The following ZNF787 variants were observed in gnomAD, a reference collection of about 807,000 sequenced individuals.
ZNF787 encodes TTF-I-interacting peptide 20.
ZNF787 carries 7 observed loss-of-function variants against 16.9 expected under a neutral mutation model. The observed-to-expected ratio is 0.42, with a 90% CI of 0.24 to 0.78. The LOEUF (loss-of-function observed/expected upper bound fraction) is 0.78, where lower values mean the gene tolerates loss of function less well. ZNF787 is among the 30% of genes least tolerant of loss of function. The pLI is 0.30. For missense variants in ZNF787, 551 were observed against 589.3 expected (o/e 0.94, Z 0.67); for synonymous variants, 345 against 270.9 (o/e 1.27, Z -2.69).
intron 1 of ZNF787, among the ~76,000 whole-genome samples, chr19:56,114,471 T>C (rs1391877220): frequency 7.0e-6 from 1 of 142,778 alleles, no homozygotes; most frequent in Admixed American, 6.9e-5. Context: ...CGGCCAGGCC[T>C]GGTCTTTCTC....
chr19:56,089,138 G>A, intron 2 of ZNF787, 46 bp from the exon 3 acceptor site: 3 of 1,375,018 alleles, frequency 2.2e-6, no homozygotes, highest in East Asian at 2.7e-5. Flanking sequence ...AGAGGCAAGG[G>A]CTCCACGCCT....
rs1318058775 is a variant in ZNF787 at position 56,087,885 on chromosome 19, C to T, written c.*138G>A. 13 of 1,260,220 alleles carry T rather than the reference C, an allele frequency of 1.0e-5. No individual in the cohort carries two copies. Among genetic ancestry groups the T allele is most frequent in the South Asian group, 2.3e-5 (1 of 43,242 alleles). The allele number at this position is 1,260,220 out of a possible 1,614,324, so 78.1% of individuals were successfully genotyped here. A position where few individuals can be genotyped will look rare whatever the true frequency, so the allele number is the denominator to read the frequency against. ...TGCCCCCCCACGGACGGCGCAGGGA[C>T]AGAGGAGGGCGGGGAGCCGGGGATG... On this transcript the variant is annotated 3_prime_UTR_variant, in exon 3 of 3. Transcript: ENST00000610935.
rs524988 is a variant in ZNF787 at position 56,121,163 on chromosome 19, A to G, written c.-11+9T>C. 126,023 of 130,850 alleles carry G rather than the reference A, an allele frequency of 0.96. 60,642 individuals carry two copies. The highest frequency in any genetic ancestry group is 0.99 in the African/African-American group (34,180 of 34,472). The allele number at this position is 130,850 out of a possible 1,614,324, so 8.1% of individuals were successfully genotyped here. ...CCCCCAGCGCACGGCCCCCGCCCCC[A>G]CCCCTCACCTCCTTGGTCCCGGGGC... On this transcript the variant is annotated intron_variant, in intron 1 of 2. Coordinates refer to ENST00000610935, the MANE Select transcript of ZNF787 (RefSeq NM_001002836.4).
At chr19:56,096,473 G>A (rs1359629535) in intron 2 of ZNF787, among the ~76,000 whole-genome samples, 2 of 152,042 alleles carry the variant, frequency 1.3e-5, no homozygotes, top group Non-Finnish European at 2.9e-5. Context: ...ACAACACTTT[G>A]GGAGGCCGAG....
intron 1 of ZNF787, among the ~76,000 whole-genome samples, chr19:56,120,770 C>A (rs1312544960): frequency 1.3e-5 from 2 of 151,352 alleles, no homozygotes; most frequent in Non-Finnish European, 3.0e-5. Flanking sequence ...CGGCCACGAC[C>A]GGCGGAGTTG....
rs1490943986 is a variant in ZNF787 at position 56,088,145 on chromosome 19, C to G, written c.1027G>C (p.Ala343Pro). 1.3e-6 allele frequency: 2 copies of G among 1,553,994 alleles called. No homozygotes were observed. The highest frequency in any genetic ancestry group is 1.7e-6 in the Non-Finnish European group (2 of 1,155,468). ...RRHKKIHAVG[A>P]PSVCSSCGQS... ...CCGCAGCTGCTGCAGACCGAGGGCG[C>G]GCCCACCGCGTGGATCTTCTTGTGT... is the stretch of plus-strand genomic sequence containing the variant. The change falls in exon 3 of 3, where the codon GCG becomes CCG. Residue 343 changes from alanine to proline, a missense_variant. Ala to Pro is a conservative substitution (Grantham distance 27). This residue lies in a region of ZNF787 where 392 missense variants were observed against 312.7 expected (regional missense o/e 1.25). Coordinates refer to ENST00000610935, the MANE Select transcript of ZNF787 (RefSeq NM_001002836.4). The surrounding 1 kb of genome is among the most constrained non-coding windows in gnomAD (Gnocchi z 8.6).
chr19:56,093,850 T>G (rs969796599), intron 2 of ZNF787, among the ~76,000 whole-genome samples: 1 of 152,188 alleles, frequency 6.6e-6, no homozygotes, highest in Non-Finnish European at 1.5e-5. Flanking sequence ...CAACCATCTG[T>G]GATTTGCTCT....
In ZNF787 at chr19:56,100,117, T is replaced by C. The variant is rs372745391; in HGVS notation, c.79+3022A>G. On this transcript the variant is annotated intron_variant, in intron 2 of 2. Coordinates refer to ENST00000610935, the MANE Select transcript of ZNF787 (RefSeq NM_001002836.4). ...GCCGGGACACACGGAAGTCAGGAGC[T>C]GAGGAAGGGTCCGGGGTGAGGGCCC... Among the ~76,000 whole-genome samples, 40 of 152,252 alleles carry C rather than the reference T, an allele frequency of 2.6e-4. No individual in the cohort carries two copies. The East Asian group carries it at 2.9e-3, about 11-fold the overall frequency.
chr19:56,093,360 T>A (rs1985737562), intron 2 of ZNF787, among the ~76,000 whole-genome samples: 1 of 152,096 alleles, frequency 6.6e-6, no homozygotes, highest in African/African-American at 2.4e-5. Flanking sequence ...GGAACTGGGA[T>A]GCCCTATATT....
At chr19:56,111,194 T>C (rs2123424467) in intron 1 of ZNF787, among the ~76,000 whole-genome samples, 1 of 80,126 alleles carries the variant, frequency 1.2e-5, no homozygotes, top group Middle Eastern at 6.1e-3. Flanking sequence ...GGGTGCACAC[T>C]TTCCAGGCCA....
intron 2 of ZNF787, among the ~76,000 whole-genome samples, chr19:56,095,206 G>A (rs1218434435): frequency 6.6e-6 from 1 of 152,168 alleles, no homozygotes; most frequent in Non-Finnish European, 1.5e-5. Flanking sequence ...CGCTGACCTG[G>A]CAGAAGGCGG....
chr19:56,112,292 C>T (rs932696233), intron 1 of ZNF787, among the ~76,000 whole-genome samples: 2 of 152,114 alleles, frequency 1.3e-5, no homozygotes, highest in Non-Finnish European at 2.9e-5. Flanking sequence ...AACGAGGGTC[C>T]CGGCCTCCCT....
intron 1 of ZNF787, among the ~76,000 whole-genome samples, chr19:56,119,929 G>T (rs1568538457): frequency 6.6e-6 from 1 of 152,204 alleles, no homozygotes; most frequent in Non-Finnish European, 1.5e-5. Context: ...CGGATCCCCA[G>T]ATGGGTTCTA....
At chr19:56,094,244 C>T (rs937005285) in intron 2 of ZNF787, among the ~76,000 whole-genome samples, 1 of 137,948 alleles carries the variant, frequency 7.2e-6, no homozygotes, top group Non-Finnish European at 1.5e-5. Flanking sequence ...GTTGGCCAGG[C>T]TGGTCTTGAA....
chr19:56,109,701 C>T (rs930425684), intron 1 of ZNF787, among the ~76,000 whole-genome samples: 6 of 152,058 alleles, frequency 3.9e-5, no homozygotes, highest in African/African-American at 7.2e-5. Context: ...CTGGCTAACA[C>T]AGTGAAACCC....
Position 56,113,419 on chromosome 19 carries a change from G to A in ZNF787, c.-11+7753C>T, listed in dbSNP as rs145340614. ...TCCGTCCACGCAAAAATCTGCACAC[G>A]AATGTTCACAGAAGCATCAGGCATA... On this transcript the variant is annotated intron_variant, in intron 1 of 2. Coordinates refer to ENST00000610935, the MANE Select transcript of ZNF787 (RefSeq NM_001002836.4). Among the ~76,000 whole-genome samples, 1,347 of 152,318 alleles carry A rather than the reference G, an allele frequency of 8.8e-3. 8 individuals carry two copies. Among genetic ancestry groups the A allele is most frequent in the South Asian group, 0.024 (118 of 4,824 alleles).
At chr19:56,120,629 G>A (rs2030263957) in intron 1 of ZNF787, among the ~76,000 whole-genome samples, 1 of 151,670 alleles carries the variant, frequency 6.6e-6, no homozygotes, top group South Asian at 2.1e-4. Flanking sequence ...TCGAAAAGGG[G>A]AAGGAAGGGC....
chr19:56,088,984 G>GGCGGCC lies in ZNF787; in HGVS notation c.182_187dup (p.Arg61_Pro62dup), dbSNP rs763440600. 17 of 1,504,746 alleles carry GGCGGCC rather than the reference G, an allele frequency of 1.1e-5. No homozygotes were observed. Among genetic ancestry groups the GGCGGCC allele is most frequent in the Non-Finnish European group, 1.5e-5 (17 of 1,128,608 alleles). 93.2% of individuals were successfully genotyped at this position (1,504,746 alleles called of 1,614,324 possible). On this transcript the variant is annotated inframe_insertion, in exon 3 of 3. Coordinates refer to ENST00000610935, the MANE Select transcript of ZNF787 (RefSeq NM_001002836.4). The surrounding 1 kb of genome is among the most constrained non-coding windows in gnomAD (Gnocchi z 8.6). ...ACACTCGTTGCAGATGTAGGGGGCG[G>GGCGGCC]GCGGCCGCGGCCGGGGAGGCGGGCC...
intron 2 of ZNF787, among the ~76,000 whole-genome samples, chr19:56,090,811 G>A (rs928778658): frequency 4.7e-4 from 71 of 152,204 alleles, no homozygotes; most frequent in Admixed American, 2.7e-3. Flanking sequence ...GACAGAGCAA[G>A]ACTCCATCTC....
Sources: allele counts gnomAD v4.1 joint callset (sites outside exome capture counted in the v4.1 genomes callset), GRCh38; gene constraint gnomAD v4.1.1; regional missense constraint gnomAD v4.1.1; non-coding constraint Gnocchi (gnomAD v3.1); transcripts MANE v1.5; gene names NCBI Gene and HGNC (gene_info 2026-07-23, HGNC 2026-07-21).